XPO7: variants seen among roughly 807,000 people sequenced by gnomAD.
XPO7 encodes exportin 7.
Under a neutral mutation model 144.3 loss-of-function variants are expected in XPO7, and 21 were observed. The ratio of observed to expected loss-of-function variants is 0.15; its 90% CI spans 0.10 to 0.21. The LOEUF (loss-of-function observed/expected upper bound fraction) is 0.21, where lower values mean the gene tolerates loss of function less well. XPO7 is among the 10% of genes least tolerant of loss of function. XPO7 has a pLI of 1.00. For missense variants in XPO7, 808 were observed against 1,325.8 expected, an observed-to-expected ratio of 0.61 and a Z score of 6.06; for synonymous variants, 580 against 499.6, an observed-to-expected ratio of 1.16 and a Z score of -2.15.
At chr8:21,952,949 C>T (rs953953804) in intron 1 of XPO7, among the ~76,000 whole-genome samples, 3 of 152,124 alleles carry the variant, frequency 2.0e-5, no homozygotes, top group Non-Finnish European at 4.4e-5. Context: ...TTTTTTAGAG[C>T]AGTTTTAGGT....
chr8:21,991,050 C>A, intron 18 of XPO7, 131 bp downstream of exon 18: 3 of 790,592 alleles, frequency 3.8e-6, no homozygotes, highest in East Asian at 2.5e-5. Context: ...TCTGAAATAA[C>A]AGCCTGATTT....
chr8:21,975,467 A>G (rs1291886518), intron 6 of XPO7, among the ~76,000 whole-genome samples: 6 of 152,316 alleles, frequency 3.9e-5, no homozygotes, highest in African/African-American at 1.4e-4. Flanking sequence ...CTTTATCCCT[A>G]AGAAAGCTAA....
At chr8:22,000,097 G>A (rs146966038) in intron 24 of XPO7, among the ~76,000 whole-genome samples, 368 of 152,296 alleles carry the variant, frequency 2.4e-3, no homozygotes, top group African/African-American at 8.1e-3. Flanking sequence ...TGGAAGACTT[G>A]GCATCAAAGC....
chr8:21,937,630 T>C (rs751571970), intron 1 of XPO7, among the ~76,000 whole-genome samples: 9 of 152,238 alleles, frequency 5.9e-5, no homozygotes, highest in Non-Finnish European at 1.2e-4. Context: ...GTTCATCAAT[T>C]ATTAAAAGGT....
chr8:21,984,622 C>G, intron 11 of XPO7, 24 bp from the exon 12 acceptor site: 1 of 1,584,802 alleles, frequency 6.3e-7, no homozygotes, highest in Non-Finnish European at 8.6e-7. Context: ...AAGAGAGCTG[C>G]CTTCCTTCTT....
chr8:21,946,640 A>ATT lies in XPO7; in HGVS notation c.19-20197_19-20196dup, dbSNP rs61593432. ...AGAAGTTCCACATATGCAAAACAGG[A>ATT]TTTTTTTTTTTTTTTTTTTTTGACG... On this transcript the variant is annotated intron_variant, in intron 1 of 27. Coordinates refer to ENST00000252512, the MANE Select transcript of XPO7 (RefSeq NM_015024.5). Among the ~76,000 whole-genome samples, 512 of 122,636 alleles carry ATT rather than the reference A, an allele frequency of 4.2e-3. 6 individuals are homozygous for ATT. The highest frequency in any genetic ancestry group is 8.7e-3 in the African/African-American group (283 of 32,416). 80.5% of individuals were successfully genotyped at this position (122,636 alleles called of 152,430 possible).
chr8:21,978,909 GGAGCTTGGCT>G (rs1812312255), intron 8 of XPO7, among the ~76,000 whole-genome samples: 1 of 152,184 alleles, frequency 6.6e-6, no homozygotes, highest in African/African-American at 2.4e-5. Flanking sequence ...AGAGGGCAAG[GGAGCTTGGCT>G]GCTCTCCTCA....
At chr8:21,928,974 T>C (rs1810552093) in intron 1 of XPO7, among the ~76,000 whole-genome samples, 1 of 152,234 alleles carries the variant, frequency 6.6e-6, no homozygotes, top group Non-Finnish European at 1.5e-5. Context: ...TGCAGACTTC[T>C]GGTAGATCTT....
In XPO7 at chr8:21,984,720, G is replaced by A; in HGVS notation, c.1352G>A (p.Arg451His). 3.7e-6 allele frequency: 6 copies of A among 1,613,992 alleles called. No homozygotes were observed. The highest frequency in any genetic ancestry group is 5.1e-6 in the Non-Finnish European group (6 of 1,179,894). The change falls in exon 12 of 28, where the codon CGT becomes CAT. Residue 451 changes from arginine (R) to histidine (H), a missense_variant. Coordinates refer to ENST00000252512, the MANE Select transcript of XPO7 (RefSeq NM_015024.5). Reference sequence around the variant, plus strand: ...TTGGACCAGCTGTCCACCATTGGGCGTTGTGAATATGAGAAGACGTGTGCA... The same window carrying A: ...TTGGACCAGCTGTCCACCATTGGGCATTGTGAATATGAGAAGACGTGTGCA... Reference protein sequence around the residue: ...QQLDQLSTIGRCEYEKTCALL... With the variant: ...QQLDQLSTIGHCEYEKTCALL...
chr8:21,992,029 G>A, intron 19 of XPO7, 55 bp downstream of exon 19: 1 of 1,444,622 alleles, frequency 6.9e-7, no homozygotes, highest in Non-Finnish European at 9.6e-7. Flanking sequence ...GGCAGTCTCT[G>A]ATTGAAAATC....
intron 1 of XPO7, among the ~76,000 whole-genome samples, chr8:21,924,427 A>C (rs867770943): frequency 1.3e-5 from 2 of 151,800 alleles, no homozygotes; most frequent in African/African-American, 4.8e-5. Context: ...TACCATCTCA[A>C]CAGCTACCTG....
chr8:21,958,695 A>G (rs893668533), intron 1 of XPO7, among the ~76,000 whole-genome samples: 2 of 16,064 alleles, frequency 1.2e-4, no homozygotes, highest in African/African-American at 5.7e-4. Context: ...ATGGTTGCGC[A>G]TGCCTATAAT....
intron 1 of XPO7, among the ~76,000 whole-genome samples, chr8:21,926,262 G>C (rs941694455): frequency 2.0e-5 from 3 of 152,122 alleles, no homozygotes; most frequent in African/African-American, 7.2e-5. Context: ...TATAACTGTA[G>C]TGGCCTTTTA....
At chr8:21,943,615 T>TA (rs1385852840) in intron 1 of XPO7, among the ~76,000 whole-genome samples, 1 of 152,176 alleles carries the variant, frequency 6.6e-6, no homozygotes, top group African/African-American at 2.4e-5. Context: ...CCCTTGAGAG[T>TA]AAATACAGAA....
chr8:21,933,518 T>G (rs1489854852), intron 1 of XPO7, among the ~76,000 whole-genome samples: 1 of 152,226 alleles, frequency 6.6e-6, no homozygotes, highest in Non-Finnish European at 1.5e-5. Flanking sequence ...ATTAGTTTCC[T>G]GAGTACATGT....
intron 1 of XPO7, among the ~76,000 whole-genome samples, chr8:21,964,876 C>T (rs1811834801): frequency 6.6e-6 from 1 of 152,148 alleles, no homozygotes; most frequent in Non-Finnish European, 1.5e-5. Context: ...TTGTAATAAA[C>T]ATAAACAAGA....
chr8:21,983,683 G>A (rs1025741877), intron 11 of XPO7, among the ~76,000 whole-genome samples: 7 of 152,176 alleles, frequency 4.6e-5, no homozygotes, highest in Admixed American at 3.9e-4. Context: ...CTCTGGGGCC[G>A]GATAGCCAGT....
At chr8:21,965,949 A>T (rs181547649) in intron 1 of XPO7, among the ~76,000 whole-genome samples, 1 of 149,790 alleles carries the variant, frequency 6.7e-6, no homozygotes, top group African/African-American at 2.5e-5. Context: ...AGTCCAAACC[A>T]TTCCTTTAAA....
Position 21,979,451 on chromosome 8 carries a change from G to A in XPO7, c.838-633G>A, listed in dbSNP as rs191153804. Among the ~76,000 whole-genome samples, 10 of 144,664 alleles carry A rather than the reference G, an allele frequency of 6.9e-5. No individual in the cohort carries two copies. The East Asian group carries it at 1.4e-3, about 21-fold the overall frequency. 94.9% of individuals were successfully genotyped at this position (144,664 alleles called of 152,430 possible). A position where few individuals can be genotyped will look rare whatever the true frequency, so the allele number is the denominator to read the frequency against. On this transcript the variant is annotated intron_variant, in intron 8 of 27. Transcript: ENST00000252512. ...GAGACGGAGTCTCTCACTGTTGCCC[G>A]GGCTGGAGTGCAGTGGCGCGATCTC...
Sources: gnomAD v4.1 joint callset for allele counts (sites outside exome capture counted in the v4.1 genomes callset) on GRCh38, gnomAD v4.1.1 for gene constraint, MANE v1.5 for transcripts, NCBI Gene and HGNC (gene_info 2026-07-23, HGNC 2026-07-21) for gene names.